The following DPP6 variants were observed in gnomAD, a reference collection of about 807,000 sequenced individuals.
DPP6 encodes A-type potassium channel modulatory protein DPP6.
In DPP6, 69 loss-of-function variants were observed where a neutral mutation model predicts 122.6. The observed-to-expected ratio is 0.56, with a 90% CI of 0.46 to 0.69. The LOEUF (loss-of-function observed/expected upper bound fraction) is 0.69. Ranked by LOEUF, DPP6 falls within the 30% of genes least tolerant of loss-of-function variation. The pLI, the probability that DPP6 is intolerant of heterozygous loss-of-function variation, is 0.00. For missense variants in DPP6, 928 were observed against 1,116.9 expected, an observed-to-expected ratio of 0.83 and a Z score of 2.41; for synonymous variants, 418 against 433.1, an observed-to-expected ratio of 0.97 and a Z score of 0.43.
At chr7:154,493,975 C>A (rs1338856193) in intron 3 of DPP6, among the ~76,000 whole-genome samples, 1 of 151,946 alleles carries the variant, frequency 6.6e-6, no homozygotes, top group East Asian at 2.0e-4. Context: ...GTAAGAGGAC[C>A]ATCTGATAGT....
In DPP6 at chr7:154,669,349, T is replaced by C; in HGVS notation, c.681-11T>C. On this transcript the variant is annotated splice_polypyrimidine_tract_variant and intron_variant, in intron 6 of 25. Transcript: ENST00000377770. Reference sequence around the variant, plus strand: ...TTTTGCTTTGTTTTTGTTTGTTTGTTCAATTTTCAGGGATCCTCAAAGTCT... The same window carrying C: ...TTTTGCTTTGTTTTTGTTTGTTTGTCCAATTTTCAGGGATCCTCAAAGTCT... 6.4e-7 allele frequency: 1 copy of C among 1,552,796 alleles called. No homozygotes were observed. Among genetic ancestry groups the C allele is most frequent in the Non-Finnish European group, 8.7e-7 (1 of 1,147,484 alleles).
At chr7:154,647,627 C>G (rs532795852) in intron 6 of DPP6, among the ~76,000 whole-genome samples, 17 of 152,124 alleles carry the variant, frequency 1.1e-4, no homozygotes, top group African/African-American at 4.1e-4. Context: ...TGGTGAGCTC[C>G]GGTCTTCACC....
At chr7:153,955,836 A>T (rs1178013994) in intron 1 of DPP6, among the ~76,000 whole-genome samples, 1 of 152,202 alleles carries the variant, frequency 6.6e-6, no homozygotes, top group Admixed American at 6.5e-5. Context: ...ATTTGAACTC[A>T]GTAAGTATGA....
intron 1 of DPP6, among the ~76,000 whole-genome samples, chr7:154,120,760 G>T (rs1807392032): frequency 6.6e-6 from 1 of 152,208 alleles, no homozygotes; most frequent in Non-Finnish European, 1.5e-5. Flanking sequence ...CAAAGTTGAA[G>T]GAAATTCTTG....
intron 1 of DPP6, among the ~76,000 whole-genome samples, chr7:153,945,983 G>A (rs552164187): frequency 6.6e-6 from 1 of 152,306 alleles, no homozygotes; most frequent in East Asian, 1.9e-4. Flanking sequence ...TCATGAAAAA[G>A]AAGTGGAAGG....
intron 5 of DPP6, among the ~76,000 whole-genome samples, chr7:154,572,299 C>T (rs1831157648): frequency 6.6e-6 from 1 of 152,026 alleles, no homozygotes; most frequent in South Asian, 2.1e-4. Context: ...AGGTGAACCC[C>T]AACTATATCC....
chr7:153,887,832 G>T, intron 1 of DPP6: 1 of 1,353,584 alleles, frequency 7.4e-7, no homozygotes, highest in Non-Finnish European at 9.9e-7. Context: ...AACCTCCCTG[G>T]AAGGACAGCG....
rs60134336 is a variant in DPP6 at position 154,760,841 on chromosome 7, G to GTT, written c.884-8564_884-8563dup. ...TCAGCCTTCCTCTTTCAAAACTTTTGTTTTTTTTTTTTTGAGACAGTCTTG... is the reference window on the plus strand; with the variant it reads ...TCAGCCTTCCTCTTTCAAAACTTTTGTTTTTTTTTTTTTTTGAGACAGTCTTG... On this transcript the variant is annotated intron_variant, in intron 8 of 25. Transcript: ENST00000377770. The surrounding 1 kb of genome is among the most constrained non-coding windows in gnomAD (Gnocchi z 4.5). Among the ~76,000 whole-genome samples the GTT allele has an allele frequency of 0.29, 41,645 of 145,328 alleles. 6,072 individuals are homozygous for GTT. The highest frequency in any genetic ancestry group is 0.34 in the African/African-American group (13,307 of 39,364).
intron 10 of DPP6, among the ~76,000 whole-genome samples, chr7:154,773,249 G>A (rs552947751): frequency 1.3e-4 from 20 of 152,226 alleles, no homozygotes; most frequent in Admixed American, 4.6e-4. Flanking sequence ...GAAATGATGC[G>A]GTCTTCCCAA....
At chr7:154,816,831 C>G (rs1418914077) in intron 16 of DPP6, among the ~76,000 whole-genome samples, 1 of 152,110 alleles carries the variant, frequency 6.6e-6, no homozygotes, top group African/African-American at 2.4e-5. Context: ...CTTACACTAG[C>G]AAATTCCAGA....
chr7:154,637,963 G>C (rs1477612484), intron 6 of DPP6, 90 bp downstream of exon 6: 1 of 1,405,020 alleles, frequency 7.1e-7, no homozygotes, highest in African/African-American at 1.4e-5. Context: ...CCTTAGGGCG[G>C]GAAATGGCGT....
chr7:154,769,730 C>T (rs188840868), intron 9 of DPP6, among the ~76,000 whole-genome samples, 159 bp downstream of exon 9: 12 of 152,304 alleles, frequency 7.9e-5, no homozygotes, highest in African/African-American at 2.2e-4. Flanking sequence ...ATTACATTCC[C>T]GCCTCTGTTG....
intron 1 of DPP6, among the ~76,000 whole-genome samples, chr7:154,055,169 A>ACACTATATAAAG (rs200923833): frequency 0.016 from 2,375 of 146,000 alleles, 62 homozygotes; most frequent in African/African-American, 0.058. Flanking sequence ...TACTCCCGAT[A>ACACTATATAAAG]TATATATGCA....
chr7:154,320,664 T>G (rs922822769), intron 1 of DPP6, among the ~76,000 whole-genome samples: 10 of 152,100 alleles, frequency 6.6e-5, no homozygotes, highest in African/African-American at 2.4e-4. Flanking sequence ...TTTTGTACTT[T>G]TAGTAAAGAC....
intron 7 of DPP6, among the ~76,000 whole-genome samples, chr7:154,699,353 C>T (rs913704626): frequency 4.6e-5 from 7 of 152,316 alleles, no homozygotes; most frequent in Non-Finnish European, 5.9e-5. Flanking sequence ...AGGGTGACTT[C>T]TGGCAGCTGA....
chr7:154,061,287 C>G (rs865956960), intron 1 of DPP6, among the ~76,000 whole-genome samples: 1,265 of 128,096 alleles, frequency 9.9e-3, no homozygotes, highest in African/African-American at 0.013. Flanking sequence ...TCATGAGTTA[C>G]AAGAAAATCT....
At chr7:154,421,630 T>C (rs1420416538) in intron 1 of DPP6, among the ~76,000 whole-genome samples, 1 of 144,266 alleles carries the variant, frequency 6.9e-6, no homozygotes, top group African/African-American at 2.6e-5. Context: ...GGCCTTTGAG[T>C]GTCAGTTTCT....
chr7:154,637,710 T>A (rs1835814702), intron 5 of DPP6, 111 bp from the exon 6 acceptor site: 3 of 1,084,160 alleles, frequency 2.8e-6, no homozygotes, highest in Non-Finnish European at 3.9e-6. Flanking sequence ...GGTGTTGGGA[T>A]TAGCTGCTTT....
At chr7:154,570,570 T>G (rs975475494) in intron 5 of DPP6, among the ~76,000 whole-genome samples, 3 of 152,182 alleles carry the variant, frequency 2.0e-5, no homozygotes, top group Non-Finnish European at 4.4e-5. Flanking sequence ...TGAAATTCTA[T>G]CAAATCCACA....
Sources: allele counts gnomAD v4.1 joint callset (sites outside exome capture counted in the v4.1 genomes callset), GRCh38; gene constraint gnomAD v4.1.1; non-coding constraint Gnocchi (gnomAD v3.1); transcripts MANE v1.5; gene names NCBI Gene and HGNC (gene_info 2026-07-23, HGNC 2026-07-21).